Variants in HIP1 observed in about 807,000 individuals in gnomAD.
HIP1 encodes the protein huntingtin-interacting protein 1.
In HIP1, 65 loss-of-function variants were observed where a neutral mutation model predicts 147.6. The ratio of observed to expected loss-of-function variants is 0.44; its 90% CI spans 0.36 to 0.54. The LOEUF is 0.54. Ranked by LOEUF, HIP1 falls within the 20% of genes least tolerant of loss-of-function variation. HIP1 has a pLI of 0.00. For synonymous variants in HIP1, 479 were observed against 504.0 expected (o/e 0.95, Z 0.67); for missense variants, 1,061 against 1,299.6 (o/e 0.82, Z 2.82).
intron 4 of HIP1, among the ~76,000 whole-genome samples, chr7:75,587,444 AT>A (rs1796327509): frequency 6.6e-6 from 1 of 152,170 alleles, no homozygotes; most frequent in Non-Finnish European, 1.5e-5. Context: ...ATATGCTGCA[AT>A]TTTATTCAAC....
chr7:75,608,260 T>G (rs1480469807), intron 1 of HIP1, among the ~76,000 whole-genome samples: 2 of 152,124 alleles, frequency 1.3e-5, no homozygotes, highest in African/African-American at 4.8e-5. Context: ...TGAGCCGAGA[T>G]CACGCCACTG....
At chr7:75,544,523 GTAC>G (rs1554490547) in intron 27 of HIP1, among the ~76,000 whole-genome samples, 169 bp downstream of exon 27, 1 of 151,944 alleles carries the variant, frequency 6.6e-6, no homozygotes, top group African/African-American at 2.4e-5. Context: ...TAACCCCTTA[GTAC>G]TCTTTAACCT....
At chr7:75,644,552 C>T (rs576768387) in intron 1 of HIP1, among the ~76,000 whole-genome samples, 1 of 152,174 alleles carries the variant, frequency 6.6e-6, no homozygotes, top group Admixed American at 6.6e-5. Flanking sequence ...GCCTCAGCCT[C>T]CCAAAGTGCT....
intron 1 of HIP1, among the ~76,000 whole-genome samples, chr7:75,639,739 AG>A (rs1270058021): frequency 6.6e-6 from 1 of 152,016 alleles, no homozygotes; most frequent in Admixed American, 6.6e-5. Context: ...CAGTGGGGGC[AG>A]GGGGTCCGCT....
intron 1 of HIP1, among the ~76,000 whole-genome samples, chr7:75,720,690 T>C (rs78836347): frequency 0.013 from 1,994 of 152,298 alleles, 49 homozygotes; most frequent in African/African-American, 0.046. Flanking sequence ...AGACACTCCA[T>C]GTGGCCTCTG....
At chr7:75,587,132 G>T (rs1414243045) in intron 4 of HIP1, among the ~76,000 whole-genome samples, 8 of 152,092 alleles carry the variant, frequency 5.3e-5, no homozygotes, top group African/African-American at 1.7e-4. Flanking sequence ...CTAGAGATAT[G>T]GTTTCACCAT....
At chr7:75,626,115 A>G (rs918778970) in intron 1 of HIP1, 7 of 152,230 alleles carry the variant, frequency 4.6e-5, no homozygotes, top group South Asian at 4.1e-4. Flanking sequence ...ATAAGCTTCT[A>G]TTGTTTATAG....
intron 2 of HIP1, among the ~76,000 whole-genome samples, chr7:75,593,216 C>A (rs1384311207): frequency 6.6e-6 from 1 of 152,176 alleles, no homozygotes; most frequent in Non-Finnish European, 1.5e-5. Context: ...TGGTCCTCCC[C>A]TCTTGGCCTC....
intron 1 of HIP1, among the ~76,000 whole-genome samples, chr7:75,715,456 C>CAGAGAGAGAGAG: frequency 1.4e-5 from 2 of 143,600 alleles, no homozygotes; most frequent in South Asian, 4.4e-4. Context: ...GAGAGACACA[C>CAGAGAGAGAGAG]ACAGAGAGAG....
At chr7:75,719,327 ACCCCG>A (rs1801426222) in intron 1 of HIP1, among the ~76,000 whole-genome samples, 1 of 151,798 alleles carries the variant, frequency 6.6e-6, no homozygotes, top group African/African-American at 2.4e-5. Context: ...ACACGGTGAA[ACCCCG>A]TCTCTACTAA....
intron 1 of HIP1, among the ~76,000 whole-genome samples, chr7:75,714,743 G>A (rs532685821): frequency 5.9e-5 from 9 of 152,048 alleles, no homozygotes; most frequent in East Asian, 5.8e-4. Flanking sequence ...GTGAGCCACC[G>A]TGCCCGACCT....
chr7:75,547,656 CT>C, intron 24 of HIP1, 98 bp downstream of exon 24: 1 of 969,610 alleles, frequency 1.0e-6, no homozygotes, highest in South Asian at 1.3e-5. Flanking sequence ...GTGGCTGCTA[CT>C]GCTCTCCTCT....
At chr7:75,648,336 T>C in intron 1 of HIP1, among the ~76,000 whole-genome samples, 1 of 151,176 alleles carries the variant, frequency 6.6e-6, no homozygotes, top group East Asian at 1.9e-4. Flanking sequence ...CTGGTTGGAG[T>C]AGATGAGGCT....
rs528251174 is a variant in HIP1 at position 75,638,077 on chromosome 7, C to T, written c.121-38830G>A. 9.3e-5 allele frequency among the ~76,000 whole-genome samples: 14 copies of T among 150,630 alleles called. 1 individual carries two copies. The highest frequency in any genetic ancestry group is 3.4e-4 in the African/African-American group (14 of 40,760). On this transcript the variant is annotated intron_variant, in intron 1 of 30. Transcript: ENST00000336926. The stretch of plus-strand genomic sequence containing the variant: ...TCCTCGAAAGCCCTGATTGCCTCCC[C>T]CCTCCCAAGACCCGCCTGACACACA...
chr7:75,675,183 A>G (rs1469466819), intron 1 of HIP1, among the ~76,000 whole-genome samples: 1 of 151,612 alleles, frequency 6.6e-6, no homozygotes, highest in African/African-American at 2.4e-5. Context: ...TTCCTCTTTC[A>G]TCTTCTCAAA....
intron 1 of HIP1, among the ~76,000 whole-genome samples, chr7:75,675,497 T>C (rs1460236736): frequency 6.6e-6 from 1 of 152,132 alleles, no homozygotes; most frequent in African/African-American, 2.4e-5. Context: ...CCACTGTGCC[T>C]GGCCTCCACT....
intron 19 of HIP1, among the ~76,000 whole-genome samples, chr7:75,555,204 G>GGGGT (rs1794951202): frequency 8.7e-6 from 1 of 115,254 alleles, no homozygotes; most frequent in Non-Finnish European, 1.8e-5. Flanking sequence ...GCGGGGGGGG[G>GGGGT]GAAGAAAATA....
intron 1 of HIP1, among the ~76,000 whole-genome samples, chr7:75,717,229 G>A (rs1233056885): frequency 3.9e-5 from 6 of 152,110 alleles, no homozygotes; most frequent in African/African-American, 1.2e-4. Context: ...ATTACAGACC[G>A]ACGGGAGAAT....
intron 8 of HIP1, among the ~76,000 whole-genome samples, chr7:75,571,463 A>G (rs930532967): frequency 2.6e-5 from 4 of 151,750 alleles, no homozygotes; most frequent in Non-Finnish European, 5.9e-5. Context: ...CTTCCACAAA[A>G]CCATCCTAGG....
Sources: gnomAD v4.1 joint callset for allele counts (sites outside exome capture counted in the v4.1 genomes callset) on GRCh38, gnomAD v4.1.1 for gene constraint, MANE v1.5 for transcripts, NCBI Gene and HGNC (gene_info 2026-07-23, HGNC 2026-07-21) for gene names.